AP1B1: variants seen among roughly 807,000 people sequenced by gnomAD.
AP1B1 encodes adaptor related protein complex 1 subunit beta 1.
AP1B1 carries 36 observed loss-of-function variants against 104.3 expected under a neutral mutation model. The ratio of observed to expected loss-of-function variants is 0.35; its 90% CI spans 0.26 to 0.46. The LOEUF (loss-of-function observed/expected upper bound fraction) is 0.46, where lower values mean the gene tolerates loss of function less well. Ranked by LOEUF, AP1B1 falls within the 20% of genes least tolerant of loss-of-function variation. AP1B1 has a pLI of 1.00. For missense variants in AP1B1, 901 were observed against 1,247.9 expected (o/e 0.72, Z 4.19); for synonymous variants, 504 against 517.5 (o/e 0.97, Z 0.35).
intron 5 of AP1B1, 71 bp from the exon 6 acceptor site, chr22:29,356,687 T>C: frequency 7.0e-7 from 1 of 1,434,884 alleles, no homozygotes. Context: ...GCATTAATGA[T>C]GCTGGCTGGT....
At chr22:29,340,886 C>A in intron 13 of AP1B1, 29 bp from the exon 14 acceptor site, 1 of 1,567,990 alleles carries the variant, frequency 6.4e-7, no homozygotes, top group Non-Finnish European at 8.6e-7. Flanking sequence ...AGGGTGGAGG[C>A]ATCAGGATGT....
intron 7 of AP1B1, among the ~76,000 whole-genome samples, chr22:29,353,997 A>G (rs1231001786): frequency 6.6e-6 from 1 of 152,190 alleles, no homozygotes; most frequent in Non-Finnish European, 1.5e-5. Flanking sequence ...GCACTGCTCA[A>G]TGGTTTTTCT....
At chr22:29,338,835 C>T (rs1248477098) in intron 16 of AP1B1, among the ~76,000 whole-genome samples, 155 bp downstream of exon 16, 3 of 152,244 alleles carry the variant, frequency 2.0e-5, no homozygotes, top group African/African-American at 7.2e-5. Flanking sequence ...CCAAGCTTGA[C>T]TTAGCTCCTC....
chr22:29,385,551 C>T (rs1269855082), intron 1 of AP1B1, among the ~76,000 whole-genome samples: 1 of 152,050 alleles, frequency 6.6e-6, no homozygotes, highest in Admixed American at 6.6e-5. Context: ...AGTTTTAGCC[C>T]GAGGGCAACT....
intron 1 of AP1B1, among the ~76,000 whole-genome samples, chr22:29,368,773 A>G (rs1368363968): frequency 1.3e-5 from 2 of 150,632 alleles, no homozygotes; most frequent in South Asian, 4.2e-4. Context: ...AAAAAAAAAA[A>G]TTGAGGCCGG....
rs541417124 is a variant in AP1B1, at chr22:29,384,428, GAACCCCTTAGGAGTCAAGGAATCCTA to G, written c.-28+3970_-28+3995del. On this transcript the variant is annotated intron_variant, in intron 1 of 22. Transcript: ENST00000357586. ...CAGGAGATAATCTAGAAAGTGCTTTGAACCCCTTAGGAGTCAAGGAATCCTAACAATTCAATGCAATATTCATTCAT... is the reference window on the plus strand; with the variant it reads ...CAGGAGATAATCTAGAAAGTGCTTTGACAATTCAATGCAATATTCATTCAT... Among the ~76,000 whole-genome samples, 935 of 152,266 alleles carry G rather than the reference GAACCCCTTAGGAGTCAAGGAATCCTA, an allele frequency of 6.1e-3. 4 individuals carry two copies. Among genetic ancestry groups the G allele is most frequent in the Non-Finnish European group, 9.5e-3 (643 of 68,016 alleles).
At chr22:29,357,904 T>G (rs1469596733) in intron 5 of AP1B1, among the ~76,000 whole-genome samples, 1 of 151,870 alleles carries the variant, frequency 6.6e-6, no homozygotes, top group African/African-American at 2.4e-5. Flanking sequence ...GCCAGGATGG[T>G]CTCAATCTCC....
chr22:29,375,889 T>A (rs2062332891), intron 1 of AP1B1, among the ~76,000 whole-genome samples: 2 of 152,160 alleles, frequency 1.3e-5, no homozygotes, highest in South Asian at 4.1e-4. Flanking sequence ...TATGCCTACC[T>A]CTCCCCATCC....
chr22:29,355,198 T>C (rs903353052), intron 6 of AP1B1, among the ~76,000 whole-genome samples: 15 of 151,630 alleles, frequency 9.9e-5, no homozygotes, highest in Admixed American at 2.0e-4. Context: ...GATCGCGCCA[T>C]TGCACTCCAG....
intron 1 of AP1B1, among the ~76,000 whole-genome samples, chr22:29,373,760 G>C (rs918565922): frequency 6.6e-6 from 1 of 151,954 alleles, no homozygotes; most frequent in Non-Finnish European, 1.5e-5. Flanking sequence ...AAATTAGCTG[G>C]GCCTGGTAGT....
chr22:29,338,864 G>A, intron 16 of AP1B1, 126 bp downstream of exon 16: 2 of 1,349,814 alleles, frequency 1.5e-6, no homozygotes, highest in Non-Finnish European at 1.0e-6. Flanking sequence ...TGCCCCTGTG[G>A]CCCCCAGCTT....
At chr22:29,361,790 G>A (rs1950248651) in intron 3 of AP1B1, among the ~76,000 whole-genome samples, 1 of 151,740 alleles carries the variant, frequency 6.6e-6, no homozygotes, top group South Asian at 2.1e-4. Context: ...AGGGAAGGCA[G>A]ACCTTGAATG....
At chr22:29,333,002 C>T (rs1026697330) in intron 17 of AP1B1, among the ~76,000 whole-genome samples, 1 of 152,226 alleles carries the variant, frequency 6.6e-6, no homozygotes, top group African/African-American at 2.4e-5. Context: ...GCCCAGGAAG[C>T]ATTCAGCACA....
intron 1 of AP1B1, among the ~76,000 whole-genome samples, chr22:29,372,561 C>T (rs1459941690): frequency 6.7e-6 from 1 of 149,860 alleles, no homozygotes; most frequent in African/African-American, 2.5e-5. Flanking sequence ...TGTCCAGGGA[C>T]AAAGATGTAA....
At chr22:29,332,561 C>T (rs1430939759) in intron 17 of AP1B1, among the ~76,000 whole-genome samples, 4 of 152,144 alleles carry the variant, frequency 2.6e-5, no homozygotes, top group Non-Finnish European at 4.4e-5. Context: ...ACCGAGGGCT[C>T]GGTATACCTG....
intron 1 of AP1B1, among the ~76,000 whole-genome samples, chr22:29,375,460 G>A (rs1376024706): frequency 1.3e-5 from 2 of 151,166 alleles, no homozygotes; most frequent in Admixed American, 1.3e-4. Flanking sequence ...CTGCCACGAT[G>A]CCTGGCACAT....
intron 5 of AP1B1, among the ~76,000 whole-genome samples, chr22:29,357,688 G>GTT (rs695400): frequency 0.25 from 32,044 of 125,950 alleles, 4,653 homozygotes; most frequent in African/African-American, 0.3. Flanking sequence ...TCAGGCAGCT[G>GTT]TTTTTTTTTT....
chr22:29,365,300 G>A (rs1044065403), intron 2 of AP1B1, among the ~76,000 whole-genome samples: 27 of 152,088 alleles, frequency 1.8e-4, no homozygotes, highest in African/African-American at 6.5e-4. Context: ...AGGCATGTCT[G>A]TCCACACATC....
At chr22:29,330,045 T>G (rs1395470749) in intron 21 of AP1B1, 2 of 1,407,292 alleles carry the variant, frequency 1.4e-6, no homozygotes, top group Admixed American at 3.0e-5. Flanking sequence ...CAGCTGGACA[T>G]GCAGGCACTC....
Sources: gnomAD v4.1 joint callset for allele counts (sites outside exome capture counted in the v4.1 genomes callset) on GRCh38, gnomAD v4.1.1 for gene constraint, MANE v1.5 for transcripts, NCBI Gene and HGNC (gene_info 2026-07-23, HGNC 2026-07-21) for gene names.